Variants in SHC4 observed in about 807,000 individuals in gnomAD.
SHC4 encodes the protein SHC-transforming protein 4.
A neutral mutation model predicts 69.4 loss-of-function variants in SHC4; 41 were observed. That is an observed-to-expected ratio of 0.59 (90% confidence interval 0.46 to 0.77). The LOEUF (loss-of-function observed/expected upper bound fraction) is 0.77. Ranked by LOEUF, SHC4 falls within the 30% of genes least tolerant of loss-of-function variation. The pLI is 0.00. For missense variants in SHC4, 777 were observed against 783.8 expected (o/e 0.99, Z 0.10); for synonymous variants, 318 against 299.3 (o/e 1.06, Z -0.64).
chr15:48,852,112 T>C (rs1017107141), intron 8 of SHC4, among the ~76,000 whole-genome samples: 1 of 152,152 alleles, frequency 6.6e-6, no homozygotes, highest in African/African-American at 2.4e-5. Context: ...GAGTTCAACC[T>C]TGATATAGAT....
chr15:48,922,071 A>T (rs1900762839), intron 2 of SHC4, among the ~76,000 whole-genome samples: 1 of 152,220 alleles, frequency 6.6e-6, no homozygotes, highest in African/African-American at 2.4e-5. Context: ...TAGAAAATAA[A>T]ATAAAATTTA....
chr15:48,903,739 A>G (rs1900355670), intron 2 of SHC4, among the ~76,000 whole-genome samples: 1 of 152,170 alleles, frequency 6.6e-6, no homozygotes, highest in Admixed American at 6.5e-5. Context: ...GCTGGGGTCC[A>G]ATATTACGTG....
chr15:48,826,465 T>C (rs942507574), intron 11 of SHC4, among the ~76,000 whole-genome samples: 4 of 152,142 alleles, frequency 2.6e-5, no homozygotes, highest in Admixed American at 1.3e-4. Context: ...CCCAGGCTAG[T>C]CTCAAACTCC....
intron 1 of SHC4, among the ~76,000 whole-genome samples, chr15:48,926,855 C>T (rs1182367715): frequency 2.6e-5 from 4 of 152,140 alleles, no homozygotes; most frequent in South Asian, 2.1e-4. Context: ...GCATGCTGGC[C>T]GGGACAATCA....
intron 10 of SHC4, among the ~76,000 whole-genome samples, chr15:48,839,369 G>A (rs569325479): frequency 6.6e-6 from 1 of 152,316 alleles, no homozygotes; most frequent in South Asian, 2.1e-4. Context: ...GAAATAGCCT[G>A]TAAAAGTGGC....
At chr15:48,871,217 A>T (rs1198931396) in intron 5 of SHC4, among the ~76,000 whole-genome samples, 1 of 152,238 alleles carries the variant, frequency 6.6e-6, no homozygotes, top group Non-Finnish European at 1.5e-5. Flanking sequence ...GAGTAAGAAC[A>T]AGGTCTGTGT....
intron 2 of SHC4, among the ~76,000 whole-genome samples, chr15:48,893,330 A>G (rs1174800967): frequency 6.6e-6 from 1 of 152,222 alleles, no homozygotes; most frequent in African/African-American, 2.4e-5. Context: ...AAGAGTGAAT[A>G]TTAACTAAGA....
intron 2 of SHC4, among the ~76,000 whole-genome samples, chr15:48,921,368 C>T (rs1900750846): frequency 6.9e-6 from 1 of 144,246 alleles, no homozygotes; most frequent in African/African-American, 2.6e-5. Flanking sequence ...GAGTTTTGCT[C>T]TTGTTGCCCA....
At chr15:48,844,814 A>C (rs184780515) in intron 9 of SHC4, among the ~76,000 whole-genome samples, 4 of 152,254 alleles carry the variant, frequency 2.6e-5, no homozygotes, top group East Asian at 3.9e-4. Context: ...GCTCTTTTGC[A>C]TGCTGCCATG....
intron 10 of SHC4, among the ~76,000 whole-genome samples, chr15:48,842,837 G>T (rs987247811): frequency 6.6e-6 from 1 of 152,054 alleles, no homozygotes; most frequent in African/African-American, 2.4e-5. Context: ...AGGCTGAGAT[G>T]AGAGGATCGC....
intron 4 of SHC4, chr15:48,878,678 C>T (rs1279278079): frequency 3.1e-6 from 5 of 1,613,892 alleles, no homozygotes; most frequent in Non-Finnish European, 3.4e-6. Context: ...GCTTTTTTCA[C>T]TGATGGTTGT....
chr15:48,936,812 A>T (rs1901079978), intron 1 of SHC4, among the ~76,000 whole-genome samples: 1 of 152,234 alleles, frequency 6.6e-6, no homozygotes, highest in African/African-American at 2.4e-5. Context: ...CAAGGAAAGT[A>T]TGACAACCAT....
At chr15:48,943,990 G>A (rs990172115) in intron 1 of SHC4, among the ~76,000 whole-genome samples, 1 of 152,004 alleles carries the variant, frequency 6.6e-6, no homozygotes, top group Non-Finnish European at 1.5e-5. Context: ...AACGGAAAAG[G>A]AACATAAGGT....
At chr15:48,961,805 C>G (rs1289444481) in intron 1 of SHC4, among the ~76,000 whole-genome samples, 1 of 152,184 alleles carries the variant, frequency 6.6e-6, no homozygotes, top group Non-Finnish European at 1.5e-5. Flanking sequence ...CAGTAAGGAC[C>G]TTGATTTTGC....
intron 4 of SHC4, among the ~76,000 whole-genome samples, chr15:48,875,411 A>G (rs565680320): frequency 2.0e-4 from 31 of 152,350 alleles, no homozygotes; most frequent in Admixed American, 5.9e-4. Context: ...GTCCTTTACT[A>G]TTGATGAAGA....
intron 2 of SHC4, among the ~76,000 whole-genome samples, chr15:48,903,784 A>C (rs1900357503): frequency 6.6e-6 from 1 of 152,182 alleles, no homozygotes; most frequent in East Asian, 1.9e-4. Context: ...ACAAGGGCTC[A>C]CTATGTTGCC....
intron 1 of SHC4, among the ~76,000 whole-genome samples, chr15:48,954,910 G>C (rs1226927938): frequency 6.6e-6 from 1 of 152,154 alleles, no homozygotes; most frequent in African/African-American, 2.4e-5. Flanking sequence ...GGCTTATCAA[G>C]TTTTAGTTTT....
At chr15:48,957,484 A>G (rs1378883780) in intron 1 of SHC4, among the ~76,000 whole-genome samples, 1 of 152,332 alleles carries the variant, frequency 6.6e-6, no homozygotes, top group South Asian at 2.1e-4. Context: ...GATTGACAAT[A>G]CTAGTTTACT....
chr15:48,879,932 AT>A (rs1316703226), intron 4 of SHC4: 4 of 167,138 alleles, frequency 2.4e-5, no homozygotes, highest in Admixed American at 6.5e-5. Context: ...ATTTCTGGAA[AT>A]TAAACTTTGT....
Sources: gnomAD v4.1 joint callset for allele counts (sites outside exome capture counted in the v4.1 genomes callset) on GRCh38, gnomAD v4.1.1 for gene constraint, MANE v1.5 for transcripts, NCBI Gene and HGNC (gene_info 2026-07-23, HGNC 2026-07-21) for gene names.